Variants in SCAF1 observed in about 807,000 individuals in gnomAD.
SCAF1 encodes splicing factor, arginine/serine-rich 19.
SCAF1 carries 28 observed loss-of-function variants against 91.2 expected under a neutral mutation model. That is an observed-to-expected ratio of 0.31 (90% CI 0.23 to 0.42). The LOEUF (loss-of-function observed/expected upper bound fraction) is 0.42. Among genes scored for constraint, SCAF1 ranks in the 10% least tolerant of loss-of-function variants. The probability of loss-of-function intolerance (pLI) is 1.00; values close to 1 mark genes in which losing one functional copy is unlikely to be tolerated. For missense variants in SCAF1, 1,893 were observed against 1,872.1 expected (o/e 1.01, Z -0.21); for synonymous variants, 1,036 against 833.7 (o/e 1.24, Z -4.18).
Position 49,651,150 on chromosome 19 carries a change from C to T in SCAF1, c.761C>T (p.Thr254Ile), listed in dbSNP as rs1174414346. ...PEQKYDPFEP[T>I]GSNPSSSAGT... ...CAAAAGTACGACCCTTTTGAGCCCA[C>T]CGGCTCCAACCCCAGCTCATCAGCG... The change falls in exon 7 of 11, where the codon ACC (threonine) becomes ATC (isoleucine). Residue 254 changes from threonine to isoleucine, a missense_variant. Around this residue, in one of 5 missense-constraint regions of SCAF1, gnomAD observed 80 missense variants for 116.6 expected, o/e 0.69. Transcript: ENST00000360565. 6.2e-7 allele frequency: 1 copy of T among 1,612,886 alleles called. No individual in the cohort carries two copies. Among genetic ancestry groups the T allele is most frequent in the East Asian group, 2.2e-5 (1 of 44,794 alleles).
Position 49,646,189 on chromosome 19 carries a change from C to A in SCAF1, c.248C>A (p.Thr83Asn). The A allele has an allele frequency of 6.2e-7, 1 of 1,607,684 alleles. No individual in the cohort carries two copies. ...SEPRSQESGG[T>N]DTATVLDMAT... ...CCCCGTTCCCAGGAATCAGGGGGCA[C>A]TGACACGGCTACTGTGAGTAAGAAG... Residue 83 changes from threonine to asparagine, a missense_variant, in exon 4 of 11, where the codon ACT becomes AAT. Coordinates refer to ENST00000360565, the MANE Select transcript of SCAF1 (RefSeq NM_021228.3). The surrounding 1 kb of genome is among the most constrained non-coding windows in gnomAD (Gnocchi z 5.6).
chr19:49,650,841 C>G (rs752558557), intron 6 of SCAF1, 27 bp from the exon 7 acceptor site: 22 of 1,575,096 alleles, frequency 1.4e-5, no homozygotes, highest in Non-Finnish European at 1.9e-5. Context: ...AGGCCCTGAC[C>G]GCCTCTCTCT....
In SCAF1 at chr19:49,646,428, A is replaced by T; in HGVS notation, c.262-98A>T. 2 of 1,098,032 alleles carry T rather than the reference A, an allele frequency of 1.8e-6. No individual in the cohort carries two copies. The highest frequency in any genetic ancestry group is 1.5e-5 in the African/African-American group (1 of 64,668). The allele number at this position is 1,098,032 out of a possible 1,614,324, so 68.0% of individuals were successfully genotyped here. A position where few individuals can be genotyped will look rare whatever the true frequency, so the allele number is the denominator to read the frequency against. ...GATCCTCAGTTTTCTTGGGGATCTTAGATGTCTGGGTTCCTGAGAGGTTAG... is the reference window on the plus strand; with the variant it reads ...GATCCTCAGTTTTCTTGGGGATCTTTGATGTCTGGGTTCCTGAGAGGTTAG... On this transcript the variant is annotated intron_variant, in intron 4 of 10. Transcript: ENST00000360565. The surrounding 1 kb of genome is among the most constrained non-coding windows in gnomAD (Gnocchi z 5.6).
intron 1 of SCAF1, among the ~76,000 whole-genome samples, chr19:49,643,746 C>G (rs1436357129): frequency 2.0e-5 from 3 of 152,128 alleles, no homozygotes; most frequent in African/African-American, 7.2e-5. Context: ...GAGAGCAGTT[C>G]CAGGGCCAGG....
chr19:49,647,894 C>T (rs1009892719), intron 6 of SCAF1, among the ~76,000 whole-genome samples: 2 of 151,864 alleles, frequency 1.3e-5, no homozygotes, highest in African/African-American at 4.8e-5. Flanking sequence ...CAGCCTCCCA[C>T]AGTGCTGGGA....
intron 1 of SCAF1, 121 bp from the exon 2 acceptor site, chr19:49,644,900 G>C: frequency 3.0e-6 from 2 of 677,372 alleles, no homozygotes; most frequent in Non-Finnish European, 2.6e-6. Context: ...GAGGAGAGGA[G>C]GGGTGCCAGA....
Position 49,651,967 on chromosome 19 carries a change from C to T in SCAF1, c.1578C>T (p.Ser526=), listed in dbSNP as rs772619402. 8 of 1,196,818 alleles carry T rather than the reference C, an allele frequency of 6.7e-6. No homozygotes were observed. Among genetic ancestry groups the T allele is most frequent in the South Asian group, 1.8e-5 (1 of 56,910 alleles). The allele number at this position is 1,196,818 out of a possible 1,614,324, so 74.1% of individuals were successfully genotyped here. The change falls in exon 7 of 11, where the codon AGC becomes AGT. Residue 526 remains serine, a synonymous_variant. Transcript: ENST00000360565. ...AGTCCAGGCGGGAACGCAAGCGCAGCGGCGAGGCCAAGGAGGCCGCCTCGT... is the reference window on the plus strand; with the variant it reads ...AGTCCAGGCGGGAACGCAAGCGCAGTGGCGAGGCCAAGGAGGCCGCCTCGT... ...RKKSRRERKR[S]GEAKEAASSS...
chr19:49,651,963 G>T lies in SCAF1; in HGVS notation c.1574G>T (p.Arg525Leu). Residue 525 changes from arginine (R) to leucine (L), a missense_variant, in exon 7 of 11, where the codon CGC becomes CTC. Arg to Leu is a moderately radical substitution (Grantham distance 102). Coordinates refer to ENST00000360565, the MANE Select transcript of SCAF1 (RefSeq NM_021228.3). ...TRKKSRRERK[R>L]SGEAKEAASS... ...AAGAAGTCCAGGCGGGAACGCAAGC[G>T]CAGCGGCGAGGCCAAGGAGGCCGCC... 1 of 1,196,896 alleles carries T rather than the reference G, an allele frequency of 8.4e-7. No homozygotes were observed. The highest frequency in any genetic ancestry group is 1.0e-6 in the Non-Finnish European group (1 of 955,210). The allele number at this position is 1,196,896 out of a possible 1,614,324, so 74.1% of individuals were successfully genotyped here.
rs1258651840 is a variant in SCAF1 at position 49,645,192 on chromosome 19, GGGGCCTGACTCCA to G, written c.108+67_108+79del. The G allele has an allele frequency of 1.7e-5, 26 of 1,549,236 alleles. No individual in the cohort carries two copies. The Admixed American group carries it at 1.9e-4, about 11-fold the overall frequency. On this transcript the variant is annotated intron_variant, in intron 2 of 10. Coordinates refer to ENST00000360565, the MANE Select transcript of SCAF1 (RefSeq NM_021228.3). The surrounding 1 kb of genome is among the most constrained non-coding windows in gnomAD (Gnocchi z 4.6). ...GGAGGAGCTGGGCATCCACACTCCA[GGGGCCTGACTCCA>G]GGGCCTGAGGCAGGGGCGCTGGACT...
At position 49,653,297 on chromosome 19, in the gene SCAF1, G is replaced by A. The variant is rs764558509; in HGVS notation, c.2908G>A (p.Ala970Thr). ...EETSWSGEER[A>T]AKVPSTPPPK... Reference sequence around the variant, plus strand: ...GACTTCCTGGTCCGGGGAGGAGCGGGCAGCCAAGGTTCCTAGCACCCCGCC... The same window carrying A: ...GACTTCCTGGTCCGGGGAGGAGCGGACAGCCAAGGTTCCTAGCACCCCGCC... The change falls in exon 7 of 11, where the codon GCA becomes ACA. Residue 970 changes from alanine (A) to threonine (T), a missense_variant. Ala to Thr is a moderately conservative substitution (Grantham distance 58). Transcript: ENST00000360565. 3 of 1,468,350 alleles carry A rather than the reference G, an allele frequency of 2.0e-6. No homozygotes were observed. Among genetic ancestry groups the A allele is most frequent in the African/African-American group, 2.8e-5 (2 of 70,486 alleles). The allele number at this position is 1,468,350 out of a possible 1,614,324, so 91.0% of individuals were successfully genotyped here.
intron 6 of SCAF1, among the ~76,000 whole-genome samples, chr19:49,649,733 G>A (rs1028033562): frequency 6.6e-6 from 1 of 152,174 alleles, no homozygotes; most frequent in Non-Finnish European, 1.5e-5. Context: ...AACCTCAGGT[G>A]ATCCATCCAC....
At chr19:49,649,724 A>G (rs2081074872) in intron 6 of SCAF1, among the ~76,000 whole-genome samples, 2 of 151,102 alleles carry the variant, frequency 1.3e-5, no homozygotes, top group Non-Finnish European at 3.0e-5. Flanking sequence ...CGAACTCCCA[A>G]CCTCAGGTGA....
Position 49,658,632 on chromosome 19 carries a change from A to T in SCAF1, c.*233A>T, listed in dbSNP as rs567785992. On this transcript the variant is annotated 3_prime_UTR_variant, in exon 11 of 11. Coordinates refer to ENST00000360565, the MANE Select transcript of SCAF1 (RefSeq NM_021228.3). ...TCTCCCCAATTTCATTAAAGATTTCATGAAACATTACCCCTGAGCCCCATG... is the reference window on the plus strand; with the variant it reads ...TCTCCCCAATTTCATTAAAGATTTCTTGAAACATTACCCCTGAGCCCCATG... 3.5e-4 allele frequency: 194 copies of T among 549,868 alleles called. No homozygotes were observed. Among genetic ancestry groups the T allele is most frequent in the Non-Finnish European group, 6.8e-5 (21 of 308,234 alleles). 34.1% of individuals were successfully genotyped at this position (549,868 alleles called of 1,614,324 possible). A position where few individuals can be genotyped will look rare whatever the true frequency, so the allele number is the denominator to read the frequency against.
intron 1 of SCAF1, among the ~76,000 whole-genome samples, chr19:49,644,442 G>A (rs527424979): frequency 2.4e-4 from 36 of 152,306 alleles, no homozygotes; most frequent in Middle Eastern, 3.4e-3. Context: ...TACTGGTTTT[G>A]CAGATCACTC....
intron 1 of SCAF1, among the ~76,000 whole-genome samples, chr19:49,644,137 G>A (rs75473211): frequency 0.012 from 1,815 of 152,288 alleles, 33 homozygotes; most frequent in African/African-American, 0.041. Flanking sequence ...TGAGTTGTGG[G>A]TTAGGGATTT....
chr19:49,640,752 G>C (rs1196386289), upstream of SCAF1, among the ~76,000 whole-genome samples: 2 of 152,170 alleles, frequency 1.3e-5, no homozygotes, highest in East Asian at 1.9e-4. Flanking sequence ...GGGCCCTAGA[G>C]GGGGACAGCA....
In SCAF1 at chr19:49,651,020, C is replaced by G. The variant is rs2081083181; in HGVS notation, c.631C>G (p.Pro211Ala). 1 of 699,082 alleles carries G rather than the reference C, an allele frequency of 1.4e-6. No homozygotes were observed. The highest frequency in any genetic ancestry group is 2.2e-6 in the Non-Finnish European group (1 of 445,940). The allele number at this position is 699,082 out of a possible 1,614,324, so 43.3% of individuals were successfully genotyped here. Residue 211 changes from proline (P) to alanine (A), a missense_variant, in exon 7 of 11, where the codon CCC becomes GCC. By Grantham distance (27) the Pro-to-Ala change is conservative (BLOSUM62 -1). Coordinates refer to ENST00000360565, the MANE Select transcript of SCAF1 (RefSeq NM_021228.3). The part of the protein sequence containing the change: ...PSSSSPSPPP[P>A]PPPPAPPAPP... ...ATCTTCCTCCCCTTCCCCTCCCCCA[C>G]CCCCACCGCCCCCTGCACCCCCAGC...
chr19:49,655,057 C>T (rs943925953), intron 9 of SCAF1, among the ~76,000 whole-genome samples, 187 bp downstream of exon 9: 3 of 152,124 alleles, frequency 2.0e-5, no homozygotes, highest in South Asian at 2.1e-4. Flanking sequence ...ATGCGTTAGG[C>T]GTGTCCAAAG....
At position 49,646,664 on chromosome 19, in the gene SCAF1, C is replaced by T. The variant is rs753056437; in HGVS notation, c.362+38C>T. 1.8e-5 allele frequency: 29 copies of T among 1,611,810 alleles called. No homozygotes were observed. Among genetic ancestry groups the T allele is most frequent in the Admixed American group, 3.3e-5 (2 of 59,992 alleles). On this transcript the variant is annotated intron_variant, in intron 5 of 10. Transcript: ENST00000360565. This position sits in a 1 kb window ranked among gnomAD's most constrained non-coding sequence, Gnocchi z 5.6. ...GCAGCTGGAGTGGGAGAGGCCTCAG[C>T]GTGAGAGCCAGAAGCACCCCTGAGG...
Sources: allele counts gnomAD v4.1 joint callset (sites outside exome capture counted in the v4.1 genomes callset), GRCh38; gene constraint gnomAD v4.1.1; regional missense constraint gnomAD v4.1.1; non-coding constraint Gnocchi (gnomAD v3.1); transcripts MANE v1.5; gene names NCBI Gene and HGNC (gene_info 2026-07-23, HGNC 2026-07-21).